Variants in KCNN1 observed in about 807,000 individuals in gnomAD.
The protein encoded by KCNN1 is potassium calcium-activated channel subfamily N member 1.
A neutral mutation model predicts 44.7 loss-of-function variants in KCNN1; 20 were observed. The observed-to-expected ratio is 0.45, with a 90% CI of 0.32 to 0.65. The LOEUF is 0.65. KCNN1 is among the 30% of genes least tolerant of loss of function. KCNN1 has a pLI of 0.05. For missense variants in KCNN1, 632 were observed against 785.3 expected (o/e 0.80, Z 2.33); for synonymous variants, 324 against 341.7 (o/e 0.95, Z 0.57).
At chr19:17,953,543 A>T (rs2031470283) in intron 1 of KCNN1, among the ~76,000 whole-genome samples, 2 of 152,164 alleles carry the variant, frequency 1.3e-5, no homozygotes, top group Non-Finnish European at 2.9e-5. Context: ...GGACTTGGGT[A>T]CCATGTGCTT....
rs1377032954 is a variant in KCNN1, at chr19:17,975,075, T to G, written c.403-17T>G. Reference sequence around the variant, plus strand: ...CGCCTCCAGCGTCCATCTGGCTGTGTCCTCTCTCTTTACCAGGAGTCTCTG... The same window carrying G: ...CGCCTCCAGCGTCCATCTGGCTGTGGCCTCTCTCTTTACCAGGAGTCTCTG... On this transcript the variant is annotated splice_polypyrimidine_tract_variant and intron_variant, in intron 2 of 9. Coordinates refer to ENST00000684775, the MANE Select transcript of KCNN1 (RefSeq NM_001386974.1). 6.2e-7 allele frequency: 1 copy of G among 1,605,482 alleles called. No individual in the cohort carries two copies. The highest frequency in any genetic ancestry group is 2.2e-5 in the East Asian group (1 of 44,820).
At chr19:17,961,975 G>A (rs928648728) in intron 2 of KCNN1, among the ~76,000 whole-genome samples, 9 of 152,180 alleles carry the variant, frequency 5.9e-5, no homozygotes, top group African/African-American at 4.8e-5. Context: ...GTCCACCTGC[G>A]TAGCAAGACA....
At chr19:17,968,417 TG>T (rs545498118) in intron 1 of KCNN1, among the ~76,000 whole-genome samples, 13 of 57,552 alleles carry the variant, frequency 2.3e-4, no homozygotes, top group African/African-American at 8.0e-4. Flanking sequence ...ACCCTCGTAG[TG>T]GGGGGGTGGG....
chr19:17,995,521 C>G (rs556025293), intron 9 of KCNN1, among the ~76,000 whole-genome samples: 3 of 152,170 alleles, frequency 2.0e-5, no homozygotes, highest in South Asian at 2.1e-4. Context: ...TGAAGATATA[C>G]AGTTAACTCT....
chr19:17,973,991 C>T lies in KCNN1; in HGVS notation c.103C>T (p.Gln35Ter). The change falls in exon 2 of 10, where the codon CAA becomes TAA. Residue 35 changes from glutamine to a stop codon, truncating the protein, a stop_gained. Transcript: ENST00000684775. LOFTEE classifies it high-confidence loss of function. ...PPDPEAGHPP[Q>*]PPHSPGLQVV... The stretch of plus-strand genomic sequence containing the variant: ...GGACCCTGAGGCCGGCCACCCCCCA[C>T]AACCCCCGCACAGCCCGGGCCTCCA... 1 of 1,581,590 alleles carries T rather than the reference C, an allele frequency of 6.3e-7. No homozygotes were observed.
In KCNN1 at chr19:17,998,434, A is replaced by C; in HGVS notation, c.*28A>C. On this transcript the variant is annotated 3_prime_UTR_variant, in exon 10 of 10. Coordinates refer to ENST00000684775, the MANE Select transcript of KCNN1 (RefSeq NM_001386974.1). This position sits in a 1 kb window ranked among gnomAD's most constrained non-coding sequence, Gnocchi z 5.4. ...GCCCTGCCCGCCACCAGACCCCTAA[A>C]TCTTGGCCATCGTGTGGCCGCCACC... 1.4e-6 allele frequency: 2 copies of C among 1,456,228 alleles called. No individual in the cohort carries two copies. The highest frequency in any genetic ancestry group is 2.6e-5 in the Admixed American group (1 of 38,936). 90.2% of individuals were successfully genotyped at this position (1,456,228 alleles called of 1,614,324 possible).
chr19:17,988,960 TGTGA>T (rs1382813321), intron 6 of KCNN1, among the ~76,000 whole-genome samples: 1 of 150,914 alleles, frequency 6.6e-6, no homozygotes, highest in Non-Finnish European at 1.5e-5. Flanking sequence ...CGCACCCATC[TGTGA>T]GTAATGCACA....
rs1406805210 is a variant in KCNN1, at chr19:17,998,133, C to T, written c.1378-19C>T. On this transcript the variant is annotated intron_variant, in intron 9 of 9. Coordinates refer to ENST00000684775, the MANE Select transcript of KCNN1 (RefSeq NM_001386974.1). The surrounding 1 kb of genome is among the most constrained non-coding windows in gnomAD (Gnocchi z 5.4). ...TCACTCAGCGGCGCCTCTCTCCTGC[C>T]CCTCTCTGTCTCCCGCAGACCCAGA... 1 of 1,567,496 alleles carries T rather than the reference C, an allele frequency of 6.4e-7. No individual in the cohort carries two copies. The highest frequency in any genetic ancestry group is 8.6e-7 in the Non-Finnish European group (1 of 1,157,114).
chr19:17,969,053 A>ATTGGG (rs2031919836), intron 1 of KCNN1, among the ~76,000 whole-genome samples: 1 of 152,042 alleles, frequency 6.6e-6, no homozygotes, highest in East Asian at 1.9e-4. Flanking sequence ...ATGGGCATCC[A>ATTGGG]AACCTTGGCT....
chr19:17,966,525 G>T (rs1386785277), upstream of KCNN1, among the ~76,000 whole-genome samples: 3 of 152,192 alleles, frequency 2.0e-5, no homozygotes, highest in Non-Finnish European at 4.4e-5. Context: ...CTGGAAATGG[G>T]TGTTGGAGGT....
rs781561116 is a variant in KCNN1, at chr19:17,993,020, G to A, written c.1299-34G>A. 6.2e-7 allele frequency: 1 copy of A among 1,612,894 alleles called. No homozygotes were observed. The highest frequency in any genetic ancestry group is 1.3e-5 in the African/African-American group (1 of 74,906). On this transcript the variant is annotated intron_variant, in intron 7 of 9. Coordinates refer to ENST00000684775, the MANE Select transcript of KCNN1 (RefSeq NM_001386974.1). This position sits in a 1 kb window ranked among gnomAD's most constrained non-coding sequence, Gnocchi z 4.5. ...ACTGTGCTGAGGTTAAAATTGCCTT[G>A]TGATTTTTCTCCTGCTCTGCCCGGT... is the stretch of plus-strand genomic sequence containing the variant.
chr19:17,963,735 T>C (rs1600004950), upstream of KCNN1, among the ~76,000 whole-genome samples: 1 of 151,826 alleles, frequency 6.6e-6, no homozygotes, highest in Non-Finnish European at 1.5e-5. Context: ...CTTTTTTTTT[T>C]TTTTTTGTGA....
rs771411584 is a variant in KCNN1, at chr19:17,974,318, C to T, written c.402+28C>T. 1 of 1,518,938 alleles carries T rather than the reference C, an allele frequency of 6.6e-7. No individual in the cohort carries two copies. Among genetic ancestry groups the T allele is most frequent in the East Asian group, 2.3e-5 (1 of 43,400 alleles). The allele number at this position is 1,518,938 out of a possible 1,614,324, so 94.1% of individuals were successfully genotyped here. A position where few individuals can be genotyped will look rare whatever the true frequency, so the allele number is the denominator to read the frequency against. ...AGGCGTGGTCCTCCCCCAGGCACTC[C>T]AGGGAGGTTCCACCAAGCCCGCCTA... On this transcript the variant is annotated intron_variant, in intron 2 of 9. Transcript: ENST00000684775. This position sits in a 1 kb window ranked among gnomAD's most constrained non-coding sequence, Gnocchi z 7.3.
chr19:17,977,438 C>T (rs1317464125), intron 3 of KCNN1, among the ~76,000 whole-genome samples: 1 of 151,834 alleles, frequency 6.6e-6, no homozygotes, highest in African/African-American at 2.4e-5. Context: ...ACATCCTGGG[C>T]TTACACAGTC....
At chr19:17,984,910 C>T (rs2032542289) in intron 4 of KCNN1, among the ~76,000 whole-genome samples, 1 of 152,036 alleles carries the variant, frequency 6.6e-6, no homozygotes, top group Admixed American at 6.5e-5. Flanking sequence ...CTCCCACCTC[C>T]TCCAGTCCTC....
At chr19:17,961,582 CTTTCTTT>C (rs749500965) in intron 2 of KCNN1, among the ~76,000 whole-genome samples, 1 of 101,310 alleles carries the variant, frequency 9.9e-6, no homozygotes, top group Non-Finnish European at 1.9e-5. Flanking sequence ...TTCTTTCTTT[CTTTCTTT>C]TTTTTTTTTT....
upstream of KCNN1, among the ~76,000 whole-genome samples, chr19:17,964,834 A>C (rs76227388): frequency 0.039 from 5,990 of 152,258 alleles, 404 homozygotes; most frequent in African/African-American, 0.13. The surrounding 1 kb of genome is among the most constrained non-coding windows in gnomAD (Gnocchi z 4.3). Flanking sequence ...GGTGAATGCA[A>C]AGGAGAACAA....
upstream of KCNN1, among the ~76,000 whole-genome samples, chr19:17,964,445 A>G (rs2031750973): frequency 6.6e-6 from 1 of 152,174 alleles, no homozygotes; most frequent in Non-Finnish European, 1.5e-5. This position sits in a 1 kb window ranked among gnomAD's most constrained non-coding sequence, Gnocchi z 4.3. Context: ...CCCCCTGCGG[A>G]GGGGCTTGCT....
At chr19:17,963,851 G>A (rs1434235944), upstream of KCNN1, among the ~76,000 whole-genome samples, 13 of 151,936 alleles carry the variant, frequency 8.6e-5, no homozygotes, top group Admixed American at 7.9e-4. Flanking sequence ...TCAGCCGCCC[G>A]AAGGAGCTGG....
Sources: allele counts gnomAD v4.1 joint callset (sites outside exome capture counted in the v4.1 genomes callset), GRCh38; gene constraint gnomAD v4.1.1; non-coding constraint Gnocchi (gnomAD v3.1); transcripts MANE v1.5; gene names NCBI Gene and HGNC (gene_info 2026-07-23, HGNC 2026-07-21).